Variants in RGS6 observed in about 807,000 individuals in gnomAD.
RGS6 encodes the protein regulator of G protein signaling 6.
In RGS6, 30 loss-of-function variants were observed where a neutral mutation model predicts 78.5. That is an observed-to-expected ratio of 0.38 (90% CI 0.29 to 0.52). RGS6 has a LOEUF of 0.52. Ranked by LOEUF, RGS6 falls within the 20% of genes least tolerant of loss-of-function variation. The pLI, the probability that RGS6 is intolerant of heterozygous loss-of-function variation, is 0.85. For synonymous variants in RGS6, 206 were observed against 206.0 expected (o/e 1.00, Z 0.00); for missense variants, 495 against 609.7 (o/e 0.81, Z 1.98).
intron 2 of RGS6, among the ~76,000 whole-genome samples, chr14:72,279,300 A>T (rs2153946995): frequency 6.6e-6 from 1 of 152,172 alleles, no homozygotes; most frequent in Admixed American, 6.5e-5. Context: ...TCATGGAGCT[A>T]ATTGTAGGAC....
intron 14 of RGS6, among the ~76,000 whole-genome samples, chr14:72,510,537 CAAT>C (rs1288542018): frequency 2.0e-5 from 3 of 152,284 alleles, no homozygotes; most frequent in Admixed American, 6.5e-5. Flanking sequence ...AATAAGTCTT[CAAT>C]AATAATTAGT....
At chr14:71,962,529 G>T (rs1345730038) in intron 1 of RGS6, among the ~76,000 whole-genome samples, 1 of 152,146 alleles carries the variant, frequency 6.6e-6, no homozygotes, top group East Asian at 1.9e-4. Context: ...AAAGGAGTAG[G>T]CAACTAAGTA....
intron 2 of RGS6, among the ~76,000 whole-genome samples, chr14:72,059,500 T>C (rs929039037): frequency 6.6e-6 from 1 of 152,302 alleles, no homozygotes; most frequent in Admixed American, 6.5e-5. Flanking sequence ...ACAGGTACCA[T>C]ATGGTAACTG....
At chr14:72,588,431 G>A in the RGS6 span, among the ~76,000 whole-genome samples, 330 of 152,252 alleles carry the variant, frequency 2.2e-3, 1 homozygote, top group African/African-American at 7.2e-3. Context: ...ATATTGGGGG[G>A]CCCTTTGCAG....
At chr14:71,916,657 A>T in the RGS6 span, among the ~76,000 whole-genome samples, 1 of 152,152 alleles carries the variant, frequency 6.6e-6, no homozygotes, top group African/African-American at 2.4e-5. Flanking sequence ...CCACTGAGGC[A>T]TGAGGTCTCT....
At chr14:72,480,580 G>C (rs1029114774) in intron 12 of RGS6, among the ~76,000 whole-genome samples, 2 of 152,152 alleles carry the variant, frequency 1.3e-5, no homozygotes, top group African/African-American at 4.8e-5. Flanking sequence ...TTTTTCATTA[G>C]AGCCACAAGG....
chr14:71,945,418 G>T (rs959705952), intron 1 of RGS6, among the ~76,000 whole-genome samples: 2 of 152,160 alleles, frequency 1.3e-5, no homozygotes, highest in African/African-American at 4.8e-5. Flanking sequence ...AAAATGAGTT[G>T]CAAACTCAAA....
intron 2 of RGS6, among the ~76,000 whole-genome samples, chr14:72,174,684 A>G (rs1482092958): frequency 6.6e-6 from 1 of 152,128 alleles, no homozygotes; most frequent in African/African-American, 2.4e-5. Flanking sequence ...CACCTCCTGC[A>G]AGCTAGGAGC....
At chr14:72,555,052 G>C (rs892365310) in intron 17 of RGS6, among the ~76,000 whole-genome samples, 3 of 152,212 alleles carry the variant, frequency 2.0e-5, no homozygotes, top group Admixed American at 2.0e-4. Context: ...CACCAGCAGG[G>C]AGGGCTTCCT....
chr14:72,228,654 G>T (rs1025318800), intron 2 of RGS6, among the ~76,000 whole-genome samples: 7 of 152,200 alleles, frequency 4.6e-5, no homozygotes, highest in Non-Finnish European at 1.0e-4. Flanking sequence ...AGTAGTGTGG[G>T]ACTAAGTTCA....
chr14:72,011,594 AT>A (rs940201696), intron 2 of RGS6, among the ~76,000 whole-genome samples: 23 of 151,154 alleles, frequency 1.5e-4, no homozygotes, highest in African/African-American at 4.1e-4. Context: ...AAAAAAAAAA[AT>A]AATGCAAATA....
chr14:72,006,876 A>G (rs1312494550), intron 2 of RGS6, among the ~76,000 whole-genome samples: 1 of 152,236 alleles, frequency 6.6e-6, no homozygotes, highest in African/African-American at 2.4e-5. Flanking sequence ...AGCTGTAAGG[A>G]TTAAGGACCA....
At chr14:72,052,916 T>C (rs539667876) in intron 2 of RGS6, among the ~76,000 whole-genome samples, 3 of 152,060 alleles carry the variant, frequency 2.0e-5, no homozygotes, top group African/African-American at 7.2e-5. Context: ...GTTCAGAGTT[T>C]CATTGTATTT....
At chr14:72,422,621 C>T (rs565261430) in intron 3 of RGS6, among the ~76,000 whole-genome samples, 6 of 152,280 alleles carry the variant, frequency 3.9e-5, no homozygotes, top group African/African-American at 9.6e-5. Flanking sequence ...CCTCACCCCT[C>T]GTCCTTGTCC....
At chr14:72,289,740 CA>C (rs2063240258) in intron 2 of RGS6, among the ~76,000 whole-genome samples, 1 of 152,190 alleles carries the variant, frequency 6.6e-6, no homozygotes, top group Non-Finnish European at 1.5e-5. Flanking sequence ...TCTCTCTTCC[CA>C]CAGAAGATAG....
chr14:72,532,330 TTG>T (rs1238303969), intron 15 of RGS6, among the ~76,000 whole-genome samples: 2 of 152,062 alleles, frequency 1.3e-5, no homozygotes, highest in Non-Finnish European at 2.9e-5. Flanking sequence ...TTAATACATG[TTG>T]TGTGTGTGTG....
chr14:72,150,601 G>A (rs1230316256), intron 2 of RGS6, among the ~76,000 whole-genome samples: 2 of 152,032 alleles, frequency 1.3e-5, no homozygotes, highest in East Asian at 3.9e-4. Context: ...AATCATGGCA[G>A]AAGGTTAAGG....
chr14:72,247,056 T>C (rs151317156), intron 2 of RGS6, among the ~76,000 whole-genome samples: 2 of 152,330 alleles, frequency 1.3e-5, no homozygotes, highest in Admixed American at 6.5e-5. Context: ...CCCTCATTCC[T>C]GCACCTAGAA....
the RGS6 span, among the ~76,000 whole-genome samples, chr14:72,604,480 T>G: frequency 6.6e-6 from 1 of 152,190 alleles, no homozygotes; most frequent in African/African-American, 2.4e-5. Flanking sequence ...AAGGCAACAA[T>G]GTACATGCTA....
Sources: allele counts gnomAD v4.1 joint callset (sites outside exome capture counted in the v4.1 genomes callset), GRCh38; gene constraint gnomAD v4.1.1; transcripts MANE v1.5; gene names NCBI Gene and HGNC (gene_info 2026-07-23, HGNC 2026-07-21).